PLB1: variants seen among roughly 807,000 people sequenced by gnomAD.
PLB1 encodes the protein phospholipase B1.
A neutral mutation model predicts 227.4 loss-of-function variants in PLB1; 242 were observed. The observed-to-expected ratio is 1.06, with a 90% CI of 0.96 to 1.18. PLB1 has a LOEUF of 1.18. Ranked by LOEUF, PLB1 falls within the 50% of genes most tolerant of loss-of-function variation. The pLI, the probability that PLB1 is intolerant of heterozygous loss-of-function variation, is 0.00. For missense variants in PLB1, 1,858 were observed against 1,816.3 expected, an observed-to-expected ratio of 1.02 and a Z score of -0.42; for synonymous variants, 757 against 682.2, an observed-to-expected ratio of 1.11 and a Z score of -1.71.
At chr2:28,506,375 G>C (rs924483215) in intron 1 of PLB1, among the ~76,000 whole-genome samples, 6 of 152,174 alleles carry the variant, frequency 3.9e-5, no homozygotes, top group African/African-American at 1.4e-4. Flanking sequence ...CCAAGGAGCA[G>C]AGAGGGCAGG....
Position 28,625,860 on chromosome 2 carries a change from G to A in PLB1, c.3580-568G>A, listed in dbSNP as rs1687684096. Among the ~76,000 whole-genome samples the A allele has an allele frequency of 4.6e-5, 7 of 151,808 alleles. No individual in the cohort carries two copies. The South Asian group carries it at 1.5e-3, about 32-fold the overall frequency. On this transcript the variant is annotated intron_variant, in intron 50 of 57. Transcript: ENST00000327757. ...GACACAACTTTCTTAAGATTTCAAG[G>A]GGAAAATAGCCCTCCCTTGTGTAAG...
chr2:28,625,416 T>G (rs1487849104), intron 50 of PLB1, among the ~76,000 whole-genome samples: 2 of 152,168 alleles, frequency 1.3e-5, no homozygotes, highest in African/African-American at 2.4e-5. Context: ...AGAGCCCTAT[T>G]ATGTAAATGC....
At chr2:28,519,433 C>A (rs1669225160) in intron 3 of PLB1, among the ~76,000 whole-genome samples, 2 of 152,210 alleles carry the variant, frequency 1.3e-5, no homozygotes, top group Non-Finnish European at 2.9e-5. Flanking sequence ...AAATGAAGGC[C>A]ATGAGTGACC....
chr2:28,581,497 ATAAAT>A (rs750930221), intron 23 of PLB1, among the ~76,000 whole-genome samples: 2,055 of 104,744 alleles, frequency 0.02, 65 homozygotes, highest in Middle Eastern at 0.028. Context: ...AAATAAATAA[ATAAAT>A]AAATAAATAA....
At chr2:28,496,574 T>C (rs1174616481) in intron 1 of PLB1, among the ~76,000 whole-genome samples, 1 of 152,182 alleles carries the variant, frequency 6.6e-6, no homozygotes, top group Non-Finnish European at 1.5e-5. Flanking sequence ...ACTATTACCA[T>C]TTATGAGCTT....
intron 19 of PLB1, 164 bp from the exon 20 acceptor site, chr2:28,566,632 T>G (rs1025032630): frequency 1.5e-6 from 1 of 682,792 alleles, no homozygotes; most frequent in Non-Finnish European, 2.6e-6. Flanking sequence ...GGAGTCGTAT[T>G]CTGGTTTGCT....
At chr2:28,616,269 G>A (rs191279090) in intron 44 of PLB1, among the ~76,000 whole-genome samples, 23 of 152,274 alleles carry the variant, frequency 1.5e-4, no homozygotes, top group Admixed American at 1.4e-3. Flanking sequence ...TTTGAAGTGA[G>A]GGATAGGCTA....
intron 38 of PLB1, among the ~76,000 whole-genome samples, chr2:28,602,207 C>G (rs1684028553): frequency 1.3e-5 from 2 of 152,198 alleles, no homozygotes; most frequent in Non-Finnish European, 2.9e-5. Context: ...TGGGACACTC[C>G]TTGGTGGAAT....
At position 28,604,725 on chromosome 2, in the gene PLB1, C is replaced by A; in HGVS notation, c.2927C>A (p.Pro976His). The change falls in exon 41 of 58, where the codon CCC (proline) becomes CAC (histidine). Residue 976 changes from proline (P) to histidine (H), a missense_variant. Pro to His is a moderately conservative substitution (Grantham distance 77, BLOSUM62 -2). Transcript: ENST00000327757. The stretch of plus-strand genomic sequence containing the variant: ...GAGGACTTCTCTGTGGTGCTGCAGC[C>A]CTTCTTCCAGAACATCCAGCTCCCT... ...TQEDFSVVLQ[P>H]FFQNIQLPVL... The A allele has an allele frequency of 6.2e-7, 1 of 1,614,168 alleles. No homozygotes were observed. Among genetic ancestry groups the A allele is most frequent in the South Asian group, 1.1e-5 (1 of 91,090 alleles).
At chr2:28,598,858 CA>C in intron 35 of PLB1, 98 bp downstream of exon 35, 1 of 1,015,672 alleles carries the variant, frequency 9.8e-7, no homozygotes, top group Non-Finnish European at 1.6e-6. Context: ...TGCAAAGGGG[CA>C]CTTAGCCACT....
At position 28,587,358 on chromosome 2, in the gene PLB1, A is replaced by G. The variant is rs1681072812; in HGVS notation, c.1815+1516A>G. ...ATGCTGGGCGTGGTGACTCACGCCT[A>G]TAATCCCAGCACTTTGGGAGACCAA... On this transcript the variant is annotated intron_variant, in intron 26 of 57. Transcript: ENST00000327757. Among the ~76,000 whole-genome samples the G allele has an allele frequency of 4.6e-5, 7 of 152,320 alleles. No individual in the cohort carries two copies. The South Asian group carries it at 1.4e-3, about 32-fold the overall frequency.
intron 1 of PLB1, among the ~76,000 whole-genome samples, chr2:28,514,506 A>G (rs1241294151): frequency 2.6e-5 from 4 of 152,260 alleles, no homozygotes; most frequent in African/African-American, 9.6e-5. Context: ...CAAAAAATAA[A>G]AAGAATATTT....
intron 43 of PLB1, among the ~76,000 whole-genome samples, chr2:28,606,960 G>T (rs181494262): frequency 1.7e-4 from 26 of 152,274 alleles, no homozygotes; most frequent in African/African-American, 5.3e-4. Flanking sequence ...AGCCAGGCAG[G>T]CTTAAGAGCT....
chr2:28,607,946 A>C (rs1465875115), intron 43 of PLB1, among the ~76,000 whole-genome samples: 1 of 152,124 alleles, frequency 6.6e-6, no homozygotes. Flanking sequence ...ACTGAGTTGG[A>C]GCCTAAGCAC....
chr2:28,540,874 A>T (rs1201499932), intron 12 of PLB1, among the ~76,000 whole-genome samples: 1 of 152,170 alleles, frequency 6.6e-6, no homozygotes, highest in East Asian at 1.9e-4. Context: ...AAGAGACCCC[A>T]AGAGAGGGTG....
At chr2:28,522,554 C>G (rs1484224232) in intron 4 of PLB1, among the ~76,000 whole-genome samples, 1 of 152,336 alleles carries the variant, frequency 6.6e-6, no homozygotes, top group Non-Finnish European at 1.5e-5. Flanking sequence ...GTGGGACACA[C>G]TTGCCACAGG....
intron 11 of PLB1, 133 bp from the exon 12 acceptor site, chr2:28,540,233 G>A (rs1374909675): frequency 1.4e-6 from 1 of 706,524 alleles, no homozygotes. Context: ...TGTCCTCTAA[G>A]ACTTATGCTT....
At chr2:28,580,174 T>C (rs985590206) in intron 23 of PLB1, among the ~76,000 whole-genome samples, 1 of 152,176 alleles carries the variant, frequency 6.6e-6, no homozygotes, top group African/African-American at 2.4e-5. Flanking sequence ...AGGCTGCTGC[T>C]CCATGGATGC....
At chr2:28,628,111 C>A (rs1361615131) in intron 51 of PLB1, among the ~76,000 whole-genome samples, 1 of 152,134 alleles carries the variant, frequency 6.6e-6, no homozygotes, top group East Asian at 1.9e-4. Flanking sequence ...CACTGAGTCA[C>A]AGGGGATAGA....
Sources: gnomAD v4.1 joint callset for allele counts (sites outside exome capture counted in the v4.1 genomes callset) on GRCh38, gnomAD v4.1.1 for gene constraint, MANE v1.5 for transcripts, NCBI Gene and HGNC (gene_info 2026-07-23, HGNC 2026-07-21) for gene names.